Variants in SUSD5 observed in about 807,000 individuals in gnomAD.
The protein encoded by SUSD5 is sushi domain-containing protein 5.
SUSD5 carries 33 observed loss-of-function variants against 29.5 expected under a neutral mutation model. The ratio of observed to expected loss-of-function variants is 1.12; its 90% CI spans 0.85 to 1.49. The LOEUF is 1.49. Ranked by LOEUF, SUSD5 falls within the 40% of genes most tolerant of loss-of-function variation. The pLI is 0.00. For missense variants in SUSD5, 776 were observed against 800.6 expected (o/e 0.97, Z 0.37); for synonymous variants, 308 against 325.3 (o/e 0.95, Z 0.57).
intron 3 of SUSD5, among the ~76,000 whole-genome samples, chr3:33,192,460 C>T (rs1575539628): frequency 1.3e-5 from 2 of 151,814 alleles, no homozygotes; most frequent in African/African-American, 4.8e-5. Context: ...CTTCAAAATA[C>T]TTCTCTATTG....
chr3:33,164,621 A>C (rs1307797775), intron 4 of SUSD5, among the ~76,000 whole-genome samples: 1 of 152,230 alleles, frequency 6.6e-6, no homozygotes, highest in Non-Finnish European at 1.5e-5. Context: ...TTGCAACATA[A>C]ATAACCTTGA....
At chr3:33,201,268 T>A (rs61322203) in intron 3 of SUSD5, among the ~76,000 whole-genome samples, 14 of 151,958 alleles carry the variant, frequency 9.2e-5, no homozygotes, top group African/African-American at 3.1e-4. Flanking sequence ...TAGGCACACA[T>A]GTATATGTCT....
chr3:33,175,564 T>C (rs913886585), intron 3 of SUSD5, among the ~76,000 whole-genome samples: 1 of 109,358 alleles, frequency 9.1e-6, no homozygotes, highest in Non-Finnish European at 2.2e-5. Context: ...ACACACACAC[T>C]ATATATATAT....
At chr3:33,165,796 A>T (rs1251594598) in intron 4 of SUSD5, among the ~76,000 whole-genome samples, 1 of 152,270 alleles carries the variant, frequency 6.6e-6, no homozygotes. Context: ...ATTCAATTTT[A>T]TATCAACAGT....
chr3:33,212,787 G>C (rs1448791746), intron 2 of SUSD5, among the ~76,000 whole-genome samples: 1 of 152,188 alleles, frequency 6.6e-6, no homozygotes, highest in Admixed American at 6.5e-5. Flanking sequence ...CAGAAATCTA[G>C]ACAGATGCGG....
chr3:33,206,230 C>T (rs113046486), intron 3 of SUSD5, among the ~76,000 whole-genome samples: 17 of 152,014 alleles, frequency 1.1e-4, no homozygotes, highest in South Asian at 4.2e-4. Context: ...AAAAATTAGC[C>T]GGGCATGGTG....
intron 3 of SUSD5, among the ~76,000 whole-genome samples, chr3:33,184,749 C>G (rs2125624316): frequency 6.6e-6 from 1 of 152,296 alleles, no homozygotes; most frequent in African/African-American, 2.4e-5. Context: ...TCTCACATTT[C>G]TTTTTGATTC....
intron 4 of SUSD5, 89 bp downstream of exon 4, chr3:33,174,797 A>G (rs1175003042): frequency 8.1e-6 from 12 of 1,487,756 alleles, no homozygotes; most frequent in Middle Eastern, 1.9e-4. Flanking sequence ...CTTGGTGGAG[A>G]AGAGCCCACC....
intron 4 of SUSD5, among the ~76,000 whole-genome samples, chr3:33,162,917 C>CA (rs35165045): frequency 0.014 from 1,920 of 133,398 alleles, 54 homozygotes; most frequent in African/African-American, 0.037. Context: ...AACTCCATCT[C>CA]AAAAAAAAAA....
chr3:33,195,731 T>C (rs1190389889), intron 3 of SUSD5, among the ~76,000 whole-genome samples: 2 of 134,910 alleles, frequency 1.5e-5, no homozygotes, highest in Non-Finnish European at 3.1e-5. Context: ...TATAGATCTA[T>C]AGCCATATAA....
At chr3:33,193,755 G>A (rs752065398) in intron 3 of SUSD5, among the ~76,000 whole-genome samples, 9 of 152,086 alleles carry the variant, frequency 5.9e-5, no homozygotes, top group Non-Finnish European at 1.2e-4. Context: ...TGATCTAACC[G>A]ACTCCATCTT....
At chr3:33,175,116 G>T in intron 3 of SUSD5, 42 bp from the exon 4 acceptor site, 1 of 1,602,680 alleles carries the variant, frequency 6.2e-7, no homozygotes, top group South Asian at 1.1e-5. Context: ...AAACTGTGCG[G>T]AACTTTTTCA....
chr3:33,159,100 C>T (rs1275620622), intron 4 of SUSD5, among the ~76,000 whole-genome samples: 1 of 152,184 alleles, frequency 6.6e-6, no homozygotes, highest in Non-Finnish European at 1.5e-5. Flanking sequence ...TGAACTCAGT[C>T]AGCATGATGA....
chr3:33,171,733 A>C (rs773832488), intron 4 of SUSD5, among the ~76,000 whole-genome samples: 1 of 152,182 alleles, frequency 6.6e-6, no homozygotes, highest in Non-Finnish European at 1.5e-5. Context: ...TGAAAACACA[A>C]GGCTGTCAGA....
intron 4 of SUSD5, among the ~76,000 whole-genome samples, chr3:33,166,218 T>C (rs2031301878): frequency 1.3e-5 from 2 of 152,162 alleles, no homozygotes; most frequent in Non-Finnish European, 2.9e-5. Flanking sequence ...ACCAAAAACA[T>C]TGCTTTGCTA....
intron 4 of SUSD5, among the ~76,000 whole-genome samples, 178 bp from the exon 5 acceptor site, chr3:33,154,211 C>A (rs1330684687): frequency 6.6e-6 from 1 of 152,102 alleles, no homozygotes; most frequent in African/African-American, 2.4e-5. Context: ...ATGAATATTA[C>A]AAGTAACTAA....
At position 33,207,946 on chromosome 3, in the gene SUSD5, C is replaced by A. The variant is rs1175380216; in HGVS notation, c.291-20G>T. Reference sequence around the variant, plus strand: ...GTTGTTCTGAAATAGACAAAAAAGGCACTGAATGAGGAAAACTCTGGGTTG... The same window carrying A: ...GTTGTTCTGAAATAGACAAAAAAGGAACTGAATGAGGAAAACTCTGGGTTG... On this transcript the variant is annotated intron_variant, in intron 2 of 4. Coordinates refer to ENST00000309558, the MANE Select transcript of SUSD5 (RefSeq NM_015551.2). 1 of 1,581,418 alleles carries A rather than the reference C, an allele frequency of 6.3e-7. No individual in the cohort carries two copies. Among genetic ancestry groups the A allele is most frequent in the South Asian group, 1.1e-5 (1 of 89,542 alleles).
At chr3:33,178,441 T>TG (rs796122259) in intron 3 of SUSD5, among the ~76,000 whole-genome samples, 1 of 112,770 alleles carries the variant, frequency 8.9e-6, no homozygotes, top group Non-Finnish European at 2.1e-5. Flanking sequence ...TGTAGTTTTT[T>TG]TTTTGTTGTT....
rs2032247727 is a variant in SUSD5, at chr3:33,207,728, T to C, written c.409+80A>G. On this transcript the variant is annotated intron_variant, in intron 3 of 4. Coordinates refer to ENST00000309558, the MANE Select transcript of SUSD5 (RefSeq NM_015551.2). ...TCTAGTAAATCCTCACTTCAAGGTT[T>C]TCTTCTAGAGAAACCAACCTCATAT... 7 of 899,786 alleles carry C rather than the reference T, an allele frequency of 7.8e-6. No homozygotes were observed. In the South Asian group the frequency reaches 1.2e-4, roughly 15 times the overall value. 55.7% of individuals were successfully genotyped at this position (899,786 alleles called of 1,614,324 possible).
Sources: allele counts gnomAD v4.1 joint callset (sites outside exome capture counted in the v4.1 genomes callset), GRCh38; gene constraint gnomAD v4.1.1; transcripts MANE v1.5; gene names NCBI Gene and HGNC (gene_info 2026-07-23, HGNC 2026-07-21).